Variants in STOX2 observed in about 807,000 individuals in gnomAD.
STOX2 encodes the protein storkhead-box protein 2.
In STOX2, 28 loss-of-function variants were observed where a neutral mutation model predicts 60.9. That is an observed-to-expected ratio of 0.46 (90% CI 0.34 to 0.63). STOX2 has a LOEUF of 0.63. Among genes scored for constraint, STOX2 ranks in the 30% least tolerant of loss-of-function variants. STOX2 has a pLI of 0.01. For missense variants in STOX2, 1,024 were observed against 1,187.7 expected (o/e 0.86, Z 2.03); for synonymous variants, 472 against 463.9 (o/e 1.02, Z -0.22).
At chr4:184,002,136 A>G (rs748487790) in intron 2 of STOX2, among the ~76,000 whole-genome samples, 22 of 152,166 alleles carry the variant, frequency 1.4e-4, no homozygotes, top group Non-Finnish European at 2.5e-4. Context: ...AGAGTTGCCA[A>G]TCTCATGTTT....
chr4:183,862,174 T>C (rs1399571849), intron 1 of STOX2, among the ~76,000 whole-genome samples: 2 of 152,008 alleles, frequency 1.3e-5, no homozygotes, highest in Non-Finnish European at 2.9e-5. Flanking sequence ...TGTTGTTGTT[T>C]GTTTGTTTGT....
chr4:183,866,753 C>T (rs990125203), intron 1 of STOX2, among the ~76,000 whole-genome samples: 2 of 152,148 alleles, frequency 1.3e-5, no homozygotes, highest in African/African-American at 4.8e-5. Context: ...GTGGCTTATG[C>T]CTGTAGTCCC....
At chr4:183,997,781 C>T (rs1733409041) in intron 1 of STOX2, among the ~76,000 whole-genome samples, 1 of 152,190 alleles carries the variant, frequency 6.6e-6, no homozygotes, top group South Asian at 2.1e-4. Context: ...TTACTTAGAA[C>T]ATCCAAATTC....
At chr4:183,811,928 ATTTTTTTTT>A (rs529589265) in intron 1 of STOX2, among the ~76,000 whole-genome samples, 2 of 129,704 alleles carry the variant, frequency 1.5e-5, no homozygotes, top group Non-Finnish European at 3.3e-5. Flanking sequence ...GAAAGCCTGG[ATTTTTTTTT>A]TTTTTTTTTT....
rs536393569 is a variant in STOX2 at position 183,962,431 on chromosome 4, G to A, written c.167-38894G>A. Among the ~76,000 whole-genome samples the A allele has an allele frequency of 3.9e-5, 6 of 152,064 alleles. No homozygotes were observed. In the East Asian group the frequency reaches 7.7e-4, roughly 20 times the overall value. On this transcript the variant is annotated intron_variant, in intron 1 of 3. Transcript: ENST00000308497. Reference sequence around the variant, plus strand: ...ATCTTCATTATTAAGTCATTTTAAAGCATCTAACAAATGCAAAATTAATAC... The same window carrying A: ...ATCTTCATTATTAAGTCATTTTAAAACATCTAACAAATGCAAAATTAATAC...
chr4:183,860,752 C>T (rs891699995), intron 1 of STOX2, among the ~76,000 whole-genome samples: 2 of 152,094 alleles, frequency 1.3e-5, no homozygotes, highest in African/African-American at 4.8e-5. Flanking sequence ...TGGCTGTCAT[C>T]AAAGTTCTGA....
chr4:183,888,840 A>G (rs1368942010), intron 1 of STOX2, among the ~76,000 whole-genome samples: 1 of 151,970 alleles, frequency 6.6e-6, no homozygotes, highest in African/African-American at 2.4e-5. Context: ...ACCCGCAATT[A>G]TGCTGACTTA....
At position 183,953,575 on chromosome 4, in the gene STOX2, A is replaced by ATTTTTTTTTTT. The variant is rs71951843; in HGVS notation, c.166+46627_166+46628insTTTTTTTTTTT. On this transcript the variant is annotated intron_variant, in intron 1 of 3. Transcript: ENST00000308497. ...GAGGTATACATGATTATTATCCCTG[A>ATTTTTTTTTTT]TTTTTTTTGAGACTGAGTCTGGCTT... Among the ~76,000 whole-genome samples, 8 of 144,120 alleles carry ATTTTTTTTTTT rather than the reference A, an allele frequency of 5.6e-5. 2 individuals are homozygous for ATTTTTTTTTTT. Among genetic ancestry groups the ATTTTTTTTTTT allele is most frequent in the African/African-American group, 5.3e-5 (2 of 37,756 alleles). 94.5% of individuals were successfully genotyped at this position (144,120 alleles called of 152,430 possible). A position where few individuals can be genotyped will look rare whatever the true frequency, so the allele number is the denominator to read the frequency against.
At chr4:183,962,372 G>A (rs1479503904) in intron 1 of STOX2, among the ~76,000 whole-genome samples, 2 of 152,020 alleles carry the variant, frequency 1.3e-5, no homozygotes, top group Admixed American at 1.3e-4. Flanking sequence ...AGGTGATTTA[G>A]TATGTCTCTG....
intron 1 of STOX2, among the ~76,000 whole-genome samples, chr4:183,858,523 C>T (rs1272025028): frequency 3.3e-5 from 5 of 151,948 alleles, no homozygotes; most frequent in Admixed American, 6.6e-5. Context: ...TTTACTTCCT[C>T]AGAGATTTAA....
At chr4:183,946,225 T>G (rs1742882228) in intron 1 of STOX2, among the ~76,000 whole-genome samples, 1 of 152,218 alleles carries the variant, frequency 6.6e-6, no homozygotes, top group Non-Finnish European at 1.5e-5. Context: ...GAAGACTGAC[T>G]TCATTTCAAG....
In STOX2 at chr4:184,018,392, A is replaced by G. The variant is rs1734460423; in HGVS notation, c.*1108A>G. 1 of 152,218 alleles carries G rather than the reference A, an allele frequency of 6.6e-6. No individual in the cohort carries two copies. Among genetic ancestry groups the G allele is most frequent in the Non-Finnish European group, 1.5e-5 (1 of 68,034 alleles). 9.4% of individuals were successfully genotyped at this position (152,218 alleles called of 1,614,324 possible). On this transcript the variant is annotated 3_prime_UTR_variant, in exon 4 of 4. Transcript: ENST00000308497. ...GCAAATTTAGGGAGTGTTGAACTTC[A>G]GGCCTTTTATTCCTGGGAAGATATG...
chr4:184,011,366 G>A lies in STOX2; in HGVS notation c.2528G>A (p.Arg843Gln), dbSNP rs778794975. 2.5e-6 allele frequency: 4 copies of A among 1,613,720 alleles called. No individual in the cohort carries two copies. Among genetic ancestry groups the A allele is most frequent in the South Asian group, 2.2e-5 (2 of 91,062 alleles). ...SSNQRATHSA[R>Q]LDSMDSSSIT... ...AACCAGAGAGCCACCCATTCAGCCC[G>A]GCTCGACAGCATGGACAGCAGCAGC... is the stretch of plus-strand genomic sequence containing the variant. The change falls in exon 3 of 4, where the codon CGG becomes CAG. Residue 843 changes from arginine to glutamine, a missense_variant. Coordinates refer to ENST00000308497, the MANE Select transcript of STOX2 (RefSeq NM_020225.3). This position sits in a 1 kb window ranked among gnomAD's most constrained non-coding sequence, Gnocchi z 4.4.
chr4:183,984,306 C>A (rs1732763905), intron 1 of STOX2, among the ~76,000 whole-genome samples: 1 of 152,204 alleles, frequency 6.6e-6, no homozygotes, highest in Admixed American at 6.5e-5. Context: ...ACTGTTTCGA[C>A]CCCGGTTCTT....
chr4:183,828,119 A>G (rs1739477451), intron 1 of STOX2, among the ~76,000 whole-genome samples: 1 of 152,194 alleles, frequency 6.6e-6, no homozygotes, highest in Non-Finnish European at 1.5e-5. Flanking sequence ...AGTACCTGAA[A>G]ATGTTGTGTA....
In STOX2 at chr4:183,836,927, G is replaced by A. The variant is rs1309688055; in HGVS notation, c.364+38872G>A. On this transcript the variant is annotated intron_variant, in intron 1 of 2. Coordinates refer to the STOX2 transcript ENST00000513034. The surrounding 1 kb of genome is among the most constrained non-coding windows in gnomAD (Gnocchi z 4.1). ...GTCTTTTATATAATAATTCCAGGAA[G>A]ACGGTGTTTTGAGTTCCTACTGTGT... 1.3e-5 allele frequency among the ~76,000 whole-genome samples: 2 copies of A among 152,226 alleles called. No homozygotes were observed. The highest frequency in any genetic ancestry group is 2.9e-5 in the Non-Finnish European group (2 of 68,042).
intron 1 of STOX2, among the ~76,000 whole-genome samples, chr4:183,831,417 C>T (rs7700211): frequency 0.093 from 14,096 of 151,706 alleles, 2,164 homozygotes; most frequent in African/African-American, 0.32. Flanking sequence ...TTAGGCAGTA[C>T]CAGAAAACAC....
chr4:183,811,880 T>G (rs186475013), intron 1 of STOX2, among the ~76,000 whole-genome samples: 11 of 152,200 alleles, frequency 7.2e-5, no homozygotes, highest in Admixed American at 2.6e-4. Flanking sequence ...TCTTTTATTC[T>G]TAAGTGTGAG....
chr4:183,861,179 G>A (rs77668413), intron 1 of STOX2, among the ~76,000 whole-genome samples: 2,070 of 152,226 alleles, frequency 0.014, 41 homozygotes, highest in African/African-American at 0.048. Flanking sequence ...ATGACAGGGA[G>A]AAAAACACAG....
Sources: gnomAD v4.1 joint callset for allele counts (sites outside exome capture counted in the v4.1 genomes callset) on GRCh38, gnomAD v4.1.1 for gene constraint, Gnocchi (gnomAD v3.1) non-coding constraint, MANE v1.5 for transcripts, NCBI Gene and HGNC (gene_info 2026-07-23, HGNC 2026-07-21) for gene names.